ERC2: variants seen among roughly 807,000 people sequenced by gnomAD.
ERC2 encodes ELKS/RAB6-interacting/CAST family member 2, also known as ERC protein 2.
ERC2 carries 42 observed loss-of-function variants against 114.8 expected under a neutral mutation model. The observed-to-expected ratio is 0.37, with a 90% CI of 0.29 to 0.47. ERC2 has a LOEUF of 0.47. Ranked by LOEUF, ERC2 falls within the 20% of genes least tolerant of loss-of-function variation. ERC2 has a pLI of 0.99. For missense variants in ERC2, 939 were observed against 1,150.7 expected (o/e 0.82, Z 2.66); for synonymous variants, 454 against 425.5 (o/e 1.07, Z -0.82).
At chr3:55,557,777 A>T (rs971654018) in intron 17 of ERC2, among the ~76,000 whole-genome samples, 2 of 152,228 alleles carry the variant, frequency 1.3e-5, no homozygotes, top group Non-Finnish European at 2.9e-5. Flanking sequence ...TTCCAGCCAC[A>T]GGACCTTTGC....
chr3:56,151,752 C>G (rs184878126), intron 4 of ERC2, among the ~76,000 whole-genome samples: 96 of 152,184 alleles, frequency 6.3e-4, no homozygotes, highest in African/African-American at 2.2e-3. Context: ...ATATCAAGTC[C>G]TGATGTGGCT....
chr3:56,188,056 T>A (rs1026363263), intron 3 of ERC2, among the ~76,000 whole-genome samples: 2 of 152,058 alleles, frequency 1.3e-5, no homozygotes, highest in Non-Finnish European at 2.9e-5. Context: ...CTCTGATTAA[T>A]AGGGTGACAG....
chr3:56,114,406 C>T (rs1425585074), intron 6 of ERC2, among the ~76,000 whole-genome samples: 2 of 152,096 alleles, frequency 1.3e-5, no homozygotes, highest in Admixed American at 6.5e-5. Flanking sequence ...GGCTGGTTTC[C>T]ATTCAACCCT....
chr3:56,142,245 A>G (rs2080897206), intron 5 of ERC2, among the ~76,000 whole-genome samples: 1 of 152,130 alleles, frequency 6.6e-6, no homozygotes, highest in Admixed American at 6.5e-5. Context: ...TCCTTATATC[A>G]ATAGCATTTA....
In ERC2 at chr3:55,552,513, C is replaced by T. The variant is rs193043631; in HGVS notation, c.*40-41237G>A. ...TTTAATCTACCATGTTTACAAGCTG[C>T]GTAAACAAGGTACAGTGAGTGAATC... On this transcript the variant is annotated intron_variant, in intron 17 of 17. Coordinates refer to ENST00000288221, the MANE Select transcript of ERC2 (RefSeq NM_015576.3). 3.3e-5 allele frequency among the ~76,000 whole-genome samples: 5 copies of T among 151,862 alleles called. No homozygotes were observed. The East Asian group carries it at 5.8e-4, about 18-fold the overall frequency.
At chr3:55,920,321 TA>T (rs1176672594) in intron 13 of ERC2, among the ~76,000 whole-genome samples, 28 of 152,050 alleles carry the variant, frequency 1.8e-4, no homozygotes, top group Admixed American at 1.8e-3. Flanking sequence ...TAATTGGTTT[TA>T]AAAAGGCACT....
chr3:55,841,499 G>C (rs1338156114), intron 14 of ERC2, among the ~76,000 whole-genome samples: 1 of 152,142 alleles, frequency 6.6e-6, no homozygotes, highest in South Asian at 2.1e-4. Context: ...AAATTACCCA[G>C]TCTCGGGTAT....
intron 4 of ERC2, among the ~76,000 whole-genome samples, chr3:56,153,975 T>C (rs1038264901): frequency 6.6e-6 from 1 of 152,166 alleles, no homozygotes; most frequent in East Asian, 1.9e-4. Flanking sequence ...GATCTAATGT[T>C]CAGGAAACAT....
At chr3:55,520,729 C>G (rs2052868916) in intron 17 of ERC2, among the ~76,000 whole-genome samples, 2 of 152,186 alleles carry the variant, frequency 1.3e-5, no homozygotes, top group African/African-American at 2.4e-5. Context: ...GCTCCATTAT[C>G]TTCATGATAA....
intron 12 of ERC2, chr3:55,955,037 A>G: frequency 2.4e-6 from 1 of 418,928 alleles, no homozygotes. Flanking sequence ...TACTCAAAAA[A>G]GCAGGTAGCA....
At chr3:56,427,881 A>T (rs1576913068) in intron 2 of ERC2, among the ~76,000 whole-genome samples, 1 of 152,152 alleles carries the variant, frequency 6.6e-6, no homozygotes, top group Non-Finnish European at 1.5e-5. Context: ...TGGGGGATAT[A>T]CAATTCAACC....
chr3:55,858,648 C>T (rs2061892023), intron 14 of ERC2, among the ~76,000 whole-genome samples: 1 of 152,178 alleles, frequency 6.6e-6, no homozygotes, highest in Admixed American at 6.5e-5. Context: ...ATTCAAAATA[C>T]AAGTCTCTAT....
At chr3:56,146,518 T>G (rs1040947362) in intron 5 of ERC2, among the ~76,000 whole-genome samples, 1 of 152,194 alleles carries the variant, frequency 6.6e-6, no homozygotes, top group Non-Finnish European at 1.5e-5. Context: ...AATCCATTTT[T>G]CTCATTAGTC....
chr3:56,158,129 C>T (rs959153014), intron 4 of ERC2, among the ~76,000 whole-genome samples: 2 of 152,128 alleles, frequency 1.3e-5, no homozygotes, highest in African/African-American at 2.4e-5. Context: ...CCTGAGAGTC[C>T]AAATTGCCAG....
At chr3:55,801,746 T>C (rs2071072109) in intron 14 of ERC2, among the ~76,000 whole-genome samples, 1 of 152,196 alleles carries the variant, frequency 6.6e-6, no homozygotes, top group Non-Finnish European at 1.5e-5. Flanking sequence ...GTGGGACCCT[T>C]GTTAAGAAAT....
At chr3:55,862,615 C>A (rs2062080144) in intron 14 of ERC2, among the ~76,000 whole-genome samples, 1 of 152,200 alleles carries the variant, frequency 6.6e-6, no homozygotes, top group Non-Finnish European at 1.5e-5. Context: ...ACATTCTTAG[C>A]TGATATCTAC....
intron 17 of ERC2, among the ~76,000 whole-genome samples, chr3:55,535,961 T>G (rs2053974897): frequency 6.6e-6 from 1 of 152,118 alleles, no homozygotes; most frequent in Admixed American, 6.5e-5. Context: ...ATCACACCAC[T>G]GCACTCCAGC....
chr3:56,300,840 C>T (rs1049152123), intron 2 of ERC2, among the ~76,000 whole-genome samples: 9 of 152,130 alleles, frequency 5.9e-5, no homozygotes, highest in African/African-American at 2.2e-4. Flanking sequence ...ACATCATTGG[C>T]CTCTGAATTG....
intron 6 of ERC2, among the ~76,000 whole-genome samples, chr3:56,114,162 A>T (rs2079109173): frequency 6.6e-6 from 1 of 152,226 alleles, no homozygotes; most frequent in Non-Finnish European, 1.5e-5. Context: ...CATGCACAGT[A>T]AGCAAACATG....
Sources: allele counts gnomAD v4.1 joint callset (sites outside exome capture counted in the v4.1 genomes callset), GRCh38; gene constraint gnomAD v4.1.1; transcripts MANE v1.5; gene names NCBI Gene and HGNC (gene_info 2026-07-23, HGNC 2026-07-21).